The following GP2 variants were observed in gnomAD, a reference collection of about 807,000 sequenced individuals.
The protein encoded by GP2 is pancreatic secretory granule membrane major glycoprotein GP2.
A neutral mutation model predicts 60.8 loss-of-function variants in GP2; 58 were observed. The ratio of observed to expected loss-of-function variants is 0.95; its 90% CI spans 0.77 to 1.19. GP2 has a LOEUF of 1.19. Ranked by LOEUF, GP2 falls within the 50% of genes most tolerant of loss-of-function variation. GP2 has a pLI of 0.00. For synonymous variants in GP2, 280 were observed against 253.4 expected (o/e 1.10, Z -1.00); for missense variants, 647 against 667.4 (o/e 0.97, Z 0.34).
chr16:20,318,064 G>A (rs1472824203), intron 7 of GP2, 121 bp downstream of exon 7: 5 of 778,716 alleles, frequency 6.4e-6, no homozygotes, highest in Non-Finnish European at 1.1e-5. Flanking sequence ...TGATATTTCT[G>A]GGTCAAAGAT....
intron 4 of GP2, among the ~76,000 whole-genome samples, chr16:20,321,885 G>A (rs932285536): frequency 9.2e-5 from 14 of 152,170 alleles, no homozygotes; most frequent in Admixed American, 7.2e-4. Context: ...AGCTGAGACT[G>A]TCCTTGGAGC....
At position 20,309,952 on chromosome 16, in the gene GP2, G is replaced by T. The variant is rs574635715; in HGVS notation, c.*1271C>A. ...GCTCGGCACCTGCTGGTCCACCTTG[G>T]TTCCTGATGTGTCTCTGAGGCCAAC... is the stretch of plus-strand genomic sequence containing the variant. On this transcript the variant is annotated 3_prime_UTR_variant, in exon 11 of 11. Transcript: ENST00000302555. 1 of 152,262 alleles carries T rather than the reference G, an allele frequency of 6.6e-6. No homozygotes were observed. The highest frequency in any genetic ancestry group is 1.9e-4 in the East Asian group (1 of 5,174). 9.4% of individuals were successfully genotyped at this position (152,262 alleles called of 1,614,324 possible).
rs570298640 is a variant in GP2 at position 20,315,892 on chromosome 16, G to A, written c.1501+64C>T. 51 of 967,084 alleles carry A rather than the reference G, an allele frequency of 5.3e-5. No homozygotes were observed. In the African/African-American group the frequency reaches 7.2e-4, roughly 14 times the overall value. 59.9% of individuals were successfully genotyped at this position (967,084 alleles called of 1,614,324 possible). A position where few individuals can be genotyped will look rare whatever the true frequency, so the allele number is the denominator to read the frequency against. On this transcript the variant is annotated intron_variant, in intron 9 of 10. Coordinates refer to ENST00000302555, the MANE Select transcript of GP2 (RefSeq NM_001502.4). Reference sequence around the variant, plus strand: ...CTGAGAAGTTGAGTTGGTGACCCCAGGCATCTGTGGTTAACTGTCAACACT... The same window carrying A: ...CTGAGAAGTTGAGTTGGTGACCCCAAGCATCTGTGGTTAACTGTCAACACT...
At chr16:20,326,511 A>G (rs1213786690) in intron 1 of GP2, 44 bp from the exon 2 acceptor site, 3 of 1,530,084 alleles carry the variant, frequency 2.0e-6, no homozygotes, top group African/African-American at 2.7e-5. Context: ...GCATAGGTCT[A>G]TGTTCTTAGA....
At chr16:20,320,141 C>G in intron 5 of GP2, 121 bp downstream of exon 5, 1 of 721,614 alleles carries the variant, frequency 1.4e-6, no homozygotes, top group Non-Finnish European at 2.4e-6. Context: ...CTTGTGCACT[C>G]TCACACAACC....
intron 1 of GP2, chr16:20,326,965 G>A: frequency 6.0e-6 from 1 of 166,740 alleles, no homozygotes; most frequent in Non-Finnish European, 1.3e-5. Flanking sequence ...AAATCAATGG[G>A]GGTTGGGGGC....
intron 10 of GP2, among the ~76,000 whole-genome samples, chr16:20,314,262 T>A (rs1964086463): frequency 3.3e-5 from 5 of 150,768 alleles, no homozygotes; most frequent in Admixed American, 3.3e-4. Flanking sequence ...AAAAAAAAGT[T>A]CTTGAGTTTG....
chr16:20,321,045 GTC>G (rs1468801360), intron 4 of GP2, among the ~76,000 whole-genome samples: 1 of 144,336 alleles, frequency 6.9e-6, no homozygotes, highest in African/African-American at 2.6e-5. Context: ...CTCTCTCTCT[GTC>G]TCTCTTTTTT....
chr16:20,316,625 A>G (rs948225313), intron 8 of GP2, among the ~76,000 whole-genome samples: 1 of 152,234 alleles, frequency 6.6e-6, no homozygotes, highest in Non-Finnish European at 1.5e-5. Context: ...GCACTAAAAA[A>G]GTCATCTATG....
chr16:20,320,335 A>C lies in GP2; in HGVS notation c.785T>G (p.Leu262Trp). ...YLRDPNCSSI[L>W]QTEERNWVSV... ...TACCCAGTTCCTCTCCTCTGTCTGC[A>C]AGATGCTGCTGCAGTTTGGGTCTCG... The change falls in exon 5 of 11, where the codon TTG becomes TGG. Residue 262 changes from leucine (L) to tryptophan (W), a missense_variant. Transcript: ENST00000302555. 6.2e-7 allele frequency: 1 copy of C among 1,614,142 alleles called. No homozygotes were observed. The highest frequency in any genetic ancestry group is 8.5e-7 in the Non-Finnish European group (1 of 1,179,996).
intron 4 of GP2, among the ~76,000 whole-genome samples, 176 bp downstream of exon 4, chr16:20,322,693 C>T (rs1045433004): frequency 6.6e-5 from 10 of 152,206 alleles, no homozygotes; most frequent in African/African-American, 9.6e-5. Context: ...CAACCCTGCC[C>T]TCCTATCCTT....
At chr16:20,319,492 G>T in intron 6 of GP2, 128 bp downstream of exon 6, 1 of 667,658 alleles carries the variant, frequency 1.5e-6, no homozygotes. Flanking sequence ...TGGAATGAAT[G>T]ACTGAATGAC....
In GP2 at chr16:20,311,231, G is replaced by A; in HGVS notation, c.1597C>T (p.Leu533=). The A allele has an allele frequency of 6.2e-7, 1 of 1,608,276 alleles. No individual in the cohort carries two copies. Among genetic ancestry groups the A allele is most frequent in the Non-Finnish European group, 8.5e-7 (1 of 1,174,776 alleles). ...MVLLTVLLAW[L]F Reference sequence around the variant, plus strand: ...GATGCTCAGCGGAGCTCTCAGAACAGCCAAGCCAGGAGGACAGTCAGGAGG... The same window carrying A: ...GATGCTCAGCGGAGCTCTCAGAACAACCAAGCCAGGAGGACAGTCAGGAGG... The change falls in exon 11 of 11, where the codon CTG becomes TTG. Residue 533 remains leucine, a synonymous_variant. Coordinates refer to ENST00000302555, the MANE Select transcript of GP2 (RefSeq NM_001502.4).
chr16:20,319,793 C>A, intron 5 of GP2, 25 bp from the exon 6 acceptor site: 2 of 1,595,324 alleles, frequency 1.3e-6, no homozygotes, highest in East Asian at 4.5e-5. Context: ...CAAAACCATA[C>A]AGATGTTTAT....
intron 2 of GP2, 187 bp downstream of exon 2, chr16:20,326,151 G>A: frequency 1.7e-6 from 1 of 589,860 alleles, no homozygotes; most frequent in Non-Finnish European, 3.0e-6. Context: ...TTTCTGATTA[G>A]GCTCTTTGAG....
At position 20,310,092 on chromosome 16, in the gene GP2, T is replaced by A. The variant is rs11864405; in HGVS notation, c.*1131A>T. 0.089 allele frequency: 13,564 copies of A among 152,260 alleles called. 1,442 individuals carry two copies. Among genetic ancestry groups the A allele is most frequent in the African/African-American group, 0.26 (10,652 of 41,494 alleles). The allele number at this position is 152,260 out of a possible 1,614,324, so 9.4% of individuals were successfully genotyped here. On this transcript the variant is annotated 3_prime_UTR_variant, in exon 11 of 11. Coordinates refer to ENST00000302555, the MANE Select transcript of GP2 (RefSeq NM_001502.4). ...TATGTGTGATGCCCTATTTGCTGCA[T>A]CTGTGTCGGGTGCTTTGAAGTACTC... is the stretch of plus-strand genomic sequence containing the variant.
intron 2 of GP2, 60 bp downstream of exon 2, chr16:20,326,278 C>G (rs758994061): frequency 6.5e-6 from 10 of 1,545,362 alleles, no homozygotes; most frequent in Non-Finnish European, 8.0e-6. Context: ...CTCTGCACTT[C>G]TATCCTCACT....
In GP2 at chr16:20,320,396, C is replaced by T; in HGVS notation, c.724G>A (p.Gly242Ser). ...ATGACCTCCTCCCCCAAACCCAGGC[C>T]TCCCAGCAAACATTTGTCCACCTTC... is the stretch of plus-strand genomic sequence containing the variant. ...KVKVDKCLLG[G>S]LGLGEEVIAY... Residue 242 changes from glycine to serine, a missense_variant, in exon 5 of 11, where the codon GGC becomes AGC. Coordinates refer to ENST00000302555, the MANE Select transcript of GP2 (RefSeq NM_001502.4). 2 of 1,613,994 alleles carry T rather than the reference C, an allele frequency of 1.2e-6. No individual in the cohort carries two copies. Among genetic ancestry groups the T allele is most frequent in the Non-Finnish European group, 8.5e-7 (1 of 1,179,842 alleles).
intron 9 of GP2, among the ~76,000 whole-genome samples, chr16:20,315,516 G>C (rs1399710891): frequency 6.6e-6 from 1 of 152,190 alleles, no homozygotes; most frequent in Non-Finnish European, 1.5e-5. Flanking sequence ...ATTTAGACGG[G>C]ATTTAGGACT....
Sources: allele counts gnomAD v4.1 joint callset (sites outside exome capture counted in the v4.1 genomes callset), GRCh38; gene constraint gnomAD v4.1.1; transcripts MANE v1.5; gene names NCBI Gene and HGNC (gene_info 2026-07-23, HGNC 2026-07-21).